Variants in NBAS observed in about 807,000 individuals in gnomAD.
The protein encoded by NBAS is NBAS subunit of NRZ tethering complex.
Under a neutral mutation model 302.5 loss-of-function variants are expected in NBAS, and 219 were observed. The observed-to-expected ratio is 0.72, with a 90% confidence interval of 0.65 to 0.81. NBAS has a LOEUF of 0.81. Among genes scored for constraint, NBAS ranks in the 30% least tolerant of loss-of-function variants. The pLI, the probability that NBAS is intolerant of heterozygous loss-of-function variation, is 0.00. For missense variants in NBAS, 2,932 were observed against 2,841.6 expected (o/e 1.03, Z -0.72); for synonymous variants, 1,118 against 1,021.6 (o/e 1.09, Z -1.80).
rs147741360 is a variant in NBAS, at chr2:15,278,716, C to A, written c.5139-1615G>T. ...AATCCAGTTGAGTTACAAATACTTA[C>A]AGTTAAATAATGATGCAAAACAATA... is the stretch of plus-strand genomic sequence containing the variant. On this transcript the variant is annotated intron_variant, in intron 42 of 51. Transcript: ENST00000281513. 5.1e-3 allele frequency among the ~76,000 whole-genome samples: 779 copies of A among 152,214 alleles called. 3 individuals carry two copies. Among genetic ancestry groups the A allele is most frequent in the African/African-American group, 0.016 (664 of 41,530 alleles).
chr2:14,819,813 T>C, the NBAS span, among the ~76,000 whole-genome samples: 1 of 152,276 alleles, frequency 6.6e-6, no homozygotes, highest in African/African-American at 2.4e-5. Flanking sequence ...AACAACTCTA[T>C]AGGAAAAAAT....
rs368763420 is a variant in NBAS at position 15,308,288 on chromosome 2, C to T, written c.4725G>A (p.Ala1575=). ...SPSALSLQLA[A]YYYSLQIYAR... The stretch of plus-strand genomic sequence containing the variant: ...CATAGATCTGGAGGCTATAGTAATA[C>T]GCTGCCAGCTGGAGAGATAATGCAG... Residue 1575 remains alanine, a synonymous_variant, in exon 40 of 52, where the codon GCG becomes GCA. Transcript: ENST00000281513. 6.1e-5 allele frequency: 98 copies of T among 1,614,148 alleles called. No homozygotes were observed. Among genetic ancestry groups the T allele is most frequent in the African/African-American group, 1.2e-4 (9 of 75,048 alleles).
intron 21 of NBAS, among the ~76,000 whole-genome samples, chr2:15,446,065 T>A (rs1044393338): frequency 3.3e-5 from 5 of 150,144 alleles, no homozygotes; most frequent in Non-Finnish European, 7.4e-5. Flanking sequence ...ATGGTCAACA[T>A]ACATATAATA....
At chr2:15,308,473 C>T in intron 39 of NBAS, 120 bp from the exon 40 acceptor site, 2 of 1,247,878 alleles carry the variant, frequency 1.6e-6, no homozygotes, top group South Asian at 1.3e-5. Flanking sequence ...TACATCAACT[C>T]AAGCTCAAGA....
intron 45 of NBAS, among the ~76,000 whole-genome samples, chr2:15,235,743 C>A (rs1018913186): frequency 6.6e-6 from 1 of 152,088 alleles, no homozygotes; most frequent in Non-Finnish European, 1.5e-5. Flanking sequence ...GGGAAGGCAG[C>A]GGTATGCATG....
At chr2:15,150,100 T>C in the NBAS span, among the ~76,000 whole-genome samples, 1 of 151,170 alleles carries the variant, frequency 6.6e-6, no homozygotes, top group African/African-American at 2.4e-5. Flanking sequence ...ATTAAACTAA[T>C]TGGGCTTATT....
chr2:15,363,601 C>G (rs894429687), intron 32 of NBAS, among the ~76,000 whole-genome samples: 1 of 152,176 alleles, frequency 6.6e-6, no homozygotes, highest in African/African-American at 2.4e-5. Context: ...TAACTTTTCT[C>G]TATTCCTGTC....
At chr2:14,838,577 T>C in the NBAS span, among the ~76,000 whole-genome samples, 9 of 152,226 alleles carry the variant, frequency 5.9e-5, no homozygotes, top group East Asian at 1.2e-3. Flanking sequence ...CTTTGACTAA[T>C]TTTTTATTTA....
At chr2:14,878,960 C>T in the NBAS span, among the ~76,000 whole-genome samples, 157 of 152,288 alleles carry the variant, frequency 1.0e-3, no homozygotes, top group African/African-American at 3.7e-3. Context: ...GTCTGTTTAC[C>T]TCAGCATTCC....
intron 44 of NBAS, among the ~76,000 whole-genome samples, chr2:15,247,425 A>C (rs768691341): frequency 1.2e-4 from 18 of 152,206 alleles, no homozygotes; most frequent in Non-Finnish European, 2.2e-4. Context: ...TGCCCCAATT[A>C]AATGACACAG....
chr2:15,450,000 G>T (rs1266209431), intron 21 of NBAS, among the ~76,000 whole-genome samples: 1 of 152,130 alleles, frequency 6.6e-6, no homozygotes, highest in Non-Finnish European at 1.5e-5. Context: ...TTTCCCTGGA[G>T]AATCAAAAAG....
At chr2:14,947,574 C>T in the NBAS span, among the ~76,000 whole-genome samples, 1 of 152,004 alleles carries the variant, frequency 6.6e-6, no homozygotes, top group Non-Finnish European at 1.5e-5. Flanking sequence ...GAGCATGTCA[C>T]CTGTAAACAT....
the NBAS span, among the ~76,000 whole-genome samples, chr2:15,106,274 T>A: frequency 6.6e-6 from 1 of 152,122 alleles, no homozygotes; most frequent in Admixed American, 6.5e-5. Context: ...AAGATTCACA[T>A]TGAGGGCTGT....
chr2:15,507,459 T>C (rs1340084497), intron 10 of NBAS, among the ~76,000 whole-genome samples: 1 of 152,270 alleles, frequency 6.6e-6, no homozygotes, highest in African/African-American at 2.4e-5. Flanking sequence ...TTCATTCTCA[T>C]ATAGTTTTCC....
chr2:15,195,601 G>C (rs1030300496), intron 48 of NBAS, among the ~76,000 whole-genome samples: 2 of 152,096 alleles, frequency 1.3e-5, no homozygotes, highest in African/African-American at 2.4e-5. Flanking sequence ...AATGTTAGGT[G>C]ACCATCAGGT....
chr2:15,170,916 C>T (rs1198118541), intron 51 of NBAS, among the ~76,000 whole-genome samples: 2 of 152,172 alleles, frequency 1.3e-5, no homozygotes, highest in South Asian at 2.1e-4. Flanking sequence ...TCAGCACAGC[C>T]GAGTGCTGGG....
chr2:14,831,130 A>G, the NBAS span, among the ~76,000 whole-genome samples: 1 of 152,194 alleles, frequency 6.6e-6, no homozygotes, highest in African/African-American at 2.4e-5. Context: ...AATAAAACCT[A>G]TTATAAAATT....
At chr2:15,101,667 T>C in the NBAS span, among the ~76,000 whole-genome samples, 5 of 152,162 alleles carry the variant, frequency 3.3e-5, no homozygotes, top group Non-Finnish European at 7.4e-5. Context: ...GATTAACCGA[T>C]GGATGGAGAA....
At chr2:14,859,595 C>G in the NBAS span, among the ~76,000 whole-genome samples, 1 of 151,872 alleles carries the variant, frequency 6.6e-6, no homozygotes, top group African/African-American at 2.4e-5. Flanking sequence ...AAGGACAGTC[C>G]GTTCAATAAA....
Sources: gnomAD v4.1 joint callset for allele counts (sites outside exome capture counted in the v4.1 genomes callset) on GRCh38, gnomAD v4.1.1 for gene constraint, MANE v1.5 for transcripts, NCBI Gene and HGNC (gene_info 2026-07-23, HGNC 2026-07-21) for gene names.